NFXL1: variants seen among roughly 807,000 people sequenced by gnomAD.
NFXL1 encodes the protein NF-X1-type zinc finger protein NFXL1.
A neutral mutation model predicts 123.3 loss-of-function variants in NFXL1; 66 were observed. That is an observed-to-expected ratio of 0.54 (90% CI 0.44 to 0.66). The LOEUF is 0.66. Ranked by LOEUF, NFXL1 falls within the 30% of genes least tolerant of loss-of-function variation. The pLI, the probability that NFXL1 is intolerant of heterozygous loss-of-function variation, is 0.00. For missense variants in NFXL1, 944 were observed against 1,125.6 expected (o/e 0.84, Z 2.31); for synonymous variants, 346 against 360.8 (o/e 0.96, Z 0.46).
In NFXL1 at chr4:47,851,915, T is replaced by G. The variant is rs1217118300; in HGVS notation, c.2449A>C (p.Asn817His). 1 of 1,611,446 alleles carries G rather than the reference T, an allele frequency of 6.2e-7. No homozygotes were observed. The highest frequency in any genetic ancestry group is 8.5e-7 in the Non-Finnish European group (1 of 1,177,922). Residue 817 changes from asparagine (N) to histidine (H), a missense_variant, in exon 21 of 23, where the codon AAT (asparagine) becomes CAT (histidine). By Grantham distance (68) the Asn-to-His change is moderately conservative. Coordinates refer to ENST00000507489, the MANE Select transcript of NFXL1 (RefSeq NM_001278624.2). ...GTGTCACATTCTATTGAAACCTGATTTTCACGTACTTTGTTGCACTGCAAT... is the reference window on the plus strand; with the variant it reads ...GTGTCACATTCTATTGAAACCTGATGTTCACGTACTTTGTTGCACTGCAAT... ...KELQCNKVRENQVSIECDTTC... is the reference protein window; with the variant it reads ...KELQCNKVREHQVSIECDTTC...
intron 9 of NFXL1, 71 bp downstream of exon 9, chr4:47,897,896 C>G: frequency 2.2e-6 from 2 of 924,132 alleles, no homozygotes; most frequent in South Asian, 1.8e-5. Flanking sequence ...TCCTGGAGGA[C>G]GTCTTTTGAA....
chr4:47,880,054 C>T (rs574485627), intron 15 of NFXL1, among the ~76,000 whole-genome samples: 8 of 151,970 alleles, frequency 5.3e-5, no homozygotes, highest in Admixed American at 1.3e-4. Flanking sequence ...GGATGATAGA[C>T]GTCATTATAC....
intron 4 of NFXL1, among the ~76,000 whole-genome samples, chr4:47,903,806 T>G (rs1737449792): frequency 6.6e-6 from 1 of 152,156 alleles, no homozygotes; most frequent in Non-Finnish European, 1.5e-5. Context: ...TACACAGCCC[T>G]TTTGTTATAT....
chr4:47,911,164 G>C (rs185050600), intron 2 of NFXL1, among the ~76,000 whole-genome samples, 170 bp from the exon 3 acceptor site: 87 of 152,136 alleles, frequency 5.7e-4, no homozygotes, highest in African/African-American at 2.1e-3. Flanking sequence ...CACAACTAAA[G>C]AGAATACCAC....
At chr4:47,854,126 G>A (rs920895638) in intron 20 of NFXL1, among the ~76,000 whole-genome samples, 3 of 152,106 alleles carry the variant, frequency 2.0e-5, no homozygotes, top group Non-Finnish European at 4.4e-5. Context: ...AAAAGGCCAA[G>A]TGTATAAATT....
chr4:47,848,461 T>C (rs1733935070), intron 22 of NFXL1, 125 bp from the exon 23 acceptor site: 4 of 717,146 alleles, frequency 5.6e-6, no homozygotes, highest in Non-Finnish European at 8.8e-6. Context: ...TATATTGATT[T>C]GATTTTTTAA....
chr4:47,882,660 TAAAC>T (rs953073295), intron 15 of NFXL1, among the ~76,000 whole-genome samples: 21 of 152,240 alleles, frequency 1.4e-4, no homozygotes, highest in African/African-American at 5.1e-4. Flanking sequence ...TTGAATTTCT[TAAAC>T]AAAATGTTCT....
At chr4:47,869,703 A>G (rs1735313451) in intron 18 of NFXL1, among the ~76,000 whole-genome samples, 1 of 152,134 alleles carries the variant, frequency 6.6e-6, no homozygotes, top group Non-Finnish European at 1.5e-5. Flanking sequence ...AAATTTAGAA[A>G]TTTCTTTTTA....
chr4:47,906,140 G>C (rs1397984733), intron 3 of NFXL1, among the ~76,000 whole-genome samples: 3 of 152,078 alleles, frequency 2.0e-5, no homozygotes, highest in Non-Finnish European at 4.4e-5. Flanking sequence ...CAAATAACAA[G>C]CAACAGCAAA....
In NFXL1 at chr4:47,855,178, A is replaced by G. The variant is rs752598269; in HGVS notation, c.2317-15T>C. ...CCACAAGGAAGCTAAAATAAAATCA[A>G]AATAAAGCAATTACATACTTACATC... On this transcript the variant is annotated splice_polypyrimidine_tract_variant and intron_variant, in intron 19 of 22. Coordinates refer to ENST00000507489, the MANE Select transcript of NFXL1 (RefSeq NM_001278624.2). 9 of 1,436,402 alleles carry G rather than the reference A, an allele frequency of 6.3e-6. No individual in the cohort carries two copies. Among genetic ancestry groups the G allele is most frequent in the South Asian group, 4.8e-5 (4 of 83,132 alleles). The allele number at this position is 1,436,402 out of a possible 1,614,324, so 89.0% of individuals were successfully genotyped here. A position where few individuals can be genotyped will look rare whatever the true frequency, so the allele number is the denominator to read the frequency against.
intron 21 of NFXL1, among the ~76,000 whole-genome samples, chr4:47,851,390 G>A (rs939088790): frequency 2.0e-4 from 31 of 151,968 alleles, no homozygotes; most frequent in Non-Finnish European, 4.4e-5. Context: ...AAGTAAAATC[G>A]GTATTACATC....
chr4:47,911,636 A>G (rs747403879), intron 2 of NFXL1, among the ~76,000 whole-genome samples: 1 of 152,258 alleles, frequency 6.6e-6, no homozygotes, highest in Non-Finnish European at 1.5e-5. Flanking sequence ...AAGTATTAAC[A>G]TGGAAAACAT....
chr4:47,861,390 T>C (rs1734758875), intron 19 of NFXL1, among the ~76,000 whole-genome samples: 2 of 152,166 alleles, frequency 1.3e-5, no homozygotes, highest in South Asian at 4.1e-4. Context: ...GATCTAGCAA[T>C]ACCAGGGGCT....
chr4:47,895,385 G>A (rs924354509), intron 10 of NFXL1, among the ~76,000 whole-genome samples: 5 of 152,212 alleles, frequency 3.3e-5, no homozygotes, highest in African/African-American at 9.6e-5. Context: ...TCTTCTTCCA[G>A]TAGAAGGCTA....
At position 47,893,992 on chromosome 4, in the gene NFXL1, T is replaced by C. The variant is rs528981824; in HGVS notation, c.1452+188A>G. On this transcript the variant is annotated intron_variant, in intron 11 of 22. Transcript: ENST00000507489. ...AAGAAACTATTCTCATTTGAAAAAA[T>C]TGGTACAATTCCCACTAGTACAAAA... is the stretch of plus-strand genomic sequence containing the variant. Among the ~76,000 whole-genome samples the C allele has an allele frequency of 3.2e-3, 485 of 152,066 alleles. 1 individual carries two copies. Among genetic ancestry groups the C allele is most frequent in the Non-Finnish European group, 5.5e-3 (373 of 67,952 alleles).
In NFXL1 at chr4:47,851,880, C is replaced by T; in HGVS notation, c.2484G>A (p.Lys828=). 1 of 1,609,468 alleles carries T rather than the reference C, an allele frequency of 6.2e-7. No individual in the cohort carries two copies. The highest frequency in any genetic ancestry group is 8.5e-7 in the Non-Finnish European group (1 of 1,176,288). ...CCTCAGATGCTTTCCGCTTCATTTC[C>T]TTGCACGTTGTGTCACATTCTATTG... is the stretch of plus-strand genomic sequence containing the variant. The part of the protein sequence containing the change: ...QVSIECDTTC[K]EMKRKASEIK... The change falls in exon 21 of 23, where the codon AAG becomes AAA. Residue 828 remains lysine (K), a synonymous_variant. Coordinates refer to ENST00000507489, the MANE Select transcript of NFXL1 (RefSeq NM_001278624.2).
intron 22 of NFXL1, among the ~76,000 whole-genome samples, chr4:47,849,751 T>C (rs1402674128): frequency 1.3e-5 from 2 of 152,136 alleles, no homozygotes; most frequent in African/African-American, 4.8e-5. Flanking sequence ...TCAGTATCTG[T>C]AGGAAATTGG....
chr4:47,870,996 G>A (rs1456954462), intron 18 of NFXL1, among the ~76,000 whole-genome samples: 1 of 152,102 alleles, frequency 6.6e-6, no homozygotes, highest in Non-Finnish European at 1.5e-5. Flanking sequence ...ATTAACATAC[G>A]AGGTTGGGAG....
At chr4:47,877,597 ATC>A (rs1202936464) in intron 17 of NFXL1, among the ~76,000 whole-genome samples, 1 of 152,068 alleles carries the variant, frequency 6.6e-6, no homozygotes, top group Non-Finnish European at 1.5e-5. Flanking sequence ...TAATTCTAGC[ATC>A]TTTTTTGTTT....
Sources: allele counts gnomAD v4.1 joint callset (sites outside exome capture counted in the v4.1 genomes callset), GRCh38; gene constraint gnomAD v4.1.1; transcripts MANE v1.5; gene names NCBI Gene and HGNC (gene_info 2026-07-23, HGNC 2026-07-21).